The following PLEKHA3 variants were observed in gnomAD, a reference collection of about 807,000 sequenced individuals.
PLEKHA3 encodes the protein pleckstrin homology domain-containing family A member 3.
PLEKHA3 carries 19 observed loss-of-function variants against 39.2 expected under a neutral mutation model. That is an observed-to-expected ratio of 0.48 (90% CI 0.34 to 0.71). The LOEUF (loss-of-function observed/expected upper bound fraction) is 0.71, where lower values mean the gene tolerates loss of function less well. Ranked by LOEUF, PLEKHA3 falls within the 30% of genes least tolerant of loss-of-function variation. PLEKHA3 has a pLI of 0.01. For missense variants in PLEKHA3, 253 were observed against 359.5 expected, an observed-to-expected ratio of 0.70 and a Z score of 2.40; for synonymous variants, 97 against 118.6, an observed-to-expected ratio of 0.82 and a Z score of 1.18.
chr2:178,491,254 G>A (rs747159146), intron 3 of PLEKHA3, among the ~76,000 whole-genome samples: 3 of 152,014 alleles, frequency 2.0e-5, no homozygotes, highest in Admixed American at 1.3e-4. Context: ...CAGGTAATCC[G>A]CTCGCCTCGG....
In PLEKHA3 at chr2:178,516,077, T is replaced by C. The variant is rs908684089; in HGVS notation, c.*12190T>C. On this transcript the variant is annotated 3_prime_UTR_variant, in exon 8 of 8. Coordinates refer to ENST00000234453, the MANE Select transcript of PLEKHA3 (RefSeq NM_019091.4). ...GTATATACACATACATATATATATA[T>C]ACATACATATATATACATAAAATGA... 5 of 151,170 alleles carry C rather than the reference T, an allele frequency of 3.3e-5. No homozygotes were observed. The highest frequency in any genetic ancestry group is 1.9e-4 in the East Asian group (1 of 5,180). 9.4% of individuals were successfully genotyped at this position (151,170 alleles called of 1,614,324 possible).
At chr2:178,496,789 A>G (rs1685456102) in intron 5 of PLEKHA3, among the ~76,000 whole-genome samples, 1 of 151,972 alleles carries the variant, frequency 6.6e-6, no homozygotes, top group Non-Finnish European at 1.5e-5. Flanking sequence ...ATCATAACTC[A>G]CTGCAGCCTC....
At chr2:178,490,940 T>TA in intron 3 of PLEKHA3, 126 bp downstream of exon 3, 1 of 712,092 alleles carries the variant, frequency 1.4e-6, no homozygotes, top group Non-Finnish European at 2.2e-6. Flanking sequence ...GATTTACGTA[T>TA]ATCTTTATCA....
intron 6 of PLEKHA3, among the ~76,000 whole-genome samples, chr2:178,499,485 G>A (rs912758366): frequency 3.3e-5 from 5 of 152,084 alleles, no homozygotes; most frequent in African/African-American, 4.8e-5. Context: ...AGGTAAGCAC[G>A]TTGCCAGCCA....
chr2:178,498,389 G>C (rs1206419901), intron 5 of PLEKHA3, among the ~76,000 whole-genome samples: 1 of 152,208 alleles, frequency 6.6e-6, no homozygotes, highest in East Asian at 1.9e-4. Flanking sequence ...AAATATAGAA[G>C]GCATTTGCAT....
Position 178,504,113 on chromosome 2 carries a change from C to G in PLEKHA3, c.*226C>G. 1 of 311,046 alleles carries G rather than the reference C, an allele frequency of 3.2e-6. No individual in the cohort carries two copies. Among genetic ancestry groups the G allele is most frequent in the Non-Finnish European group, 6.0e-6 (1 of 167,288 alleles). The allele number at this position is 311,046 out of a possible 1,614,324, so 19.3% of individuals were successfully genotyped here. On this transcript the variant is annotated 3_prime_UTR_variant, in exon 8 of 8. Transcript: ENST00000234453. ...ATAACTTCACAGTATGAATGTGCAT[C>G]TTTTTTTTTTGAACAAATGATGGTG... is the stretch of plus-strand genomic sequence containing the variant.
chr2:178,495,867 C>T (rs1685435226), intron 5 of PLEKHA3, among the ~76,000 whole-genome samples: 1 of 152,218 alleles, frequency 6.6e-6, no homozygotes, highest in Non-Finnish European at 1.5e-5. Context: ...TCATTCCCTT[C>T]TCCTTGGAGG....
rs1351769804 is a variant in PLEKHA3 at position 178,480,604 on chromosome 2, A to T, written c.-266A>T. 1 of 285,684 alleles carries T rather than the reference A, an allele frequency of 3.5e-6. No individual in the cohort carries two copies. Among genetic ancestry groups the T allele is most frequent in the Non-Finnish European group, 6.5e-6 (1 of 154,244 alleles). The allele number at this position is 285,684 out of a possible 1,614,324, so 17.7% of individuals were successfully genotyped here. A position where few individuals can be genotyped will look rare whatever the true frequency, so the allele number is the denominator to read the frequency against. On this transcript the variant is annotated 5_prime_UTR_variant, in exon 1 of 8. Coordinates refer to ENST00000234453, the MANE Select transcript of PLEKHA3 (RefSeq NM_019091.4). ...CGAGCAGGAGGCCGGTCGCGGGCGC[A>T]TTTTTGCCGTTGTCGCGGCCGCCGC...
chr2:178,486,421 G>A lies in PLEKHA3; in HGVS notation c.157+664G>A, dbSNP rs555656934. Among the ~76,000 whole-genome samples, 22 of 152,242 alleles carry A rather than the reference G, an allele frequency of 1.4e-4. No individual in the cohort carries two copies. The South Asian group carries it at 3.5e-3, about 24-fold the overall frequency. ...GTGAAGGAAAAACTAGAGCACCAGG[G>A]GAGTGACTGTTAAACTCCTTCCTGG... On this transcript the variant is annotated intron_variant, in intron 2 of 7. Coordinates refer to ENST00000234453, the MANE Select transcript of PLEKHA3 (RefSeq NM_019091.4).
rs1225600068 is a variant in PLEKHA3, at chr2:178,508,281, T to C, written c.*4394T>C. Reference sequence around the variant, plus strand: ...CAGCTCTTCTGTTGAATTTTCTTTATATATATATTTTAATTTCTAAGAGGT... The same window carrying C: ...CAGCTCTTCTGTTGAATTTTCTTTACATATATATTTTAATTTCTAAGAGGT... On this transcript the variant is annotated 3_prime_UTR_variant, in exon 8 of 8. Coordinates refer to ENST00000234453, the MANE Select transcript of PLEKHA3 (RefSeq NM_019091.4). 1 of 152,590 alleles carries C rather than the reference T, an allele frequency of 6.6e-6. No individual in the cohort carries two copies. The highest frequency in any genetic ancestry group is 1.9e-4 in the East Asian group (1 of 5,202). 9.5% of individuals were successfully genotyped at this position (152,590 alleles called of 1,614,324 possible). A position where few individuals can be genotyped will look rare whatever the true frequency, so the allele number is the denominator to read the frequency against.
chr2:178,491,862 G>T (rs1685352387), intron 3 of PLEKHA3, among the ~76,000 whole-genome samples: 1 of 152,098 alleles, frequency 6.6e-6, no homozygotes, highest in African/African-American at 2.4e-5. Flanking sequence ...GAGGAAGCAA[G>T]GGAAAGCGGG....
rs146938630 is a variant in PLEKHA3, at chr2:178,483,571, A to C, written c.41-2070A>C. On this transcript the variant is annotated intron_variant, in intron 1 of 7. Coordinates refer to ENST00000234453, the MANE Select transcript of PLEKHA3 (RefSeq NM_019091.4). The stretch of plus-strand genomic sequence containing the variant: ...TTTGCCCAATATTTGTTTTAAAGAG[A>C]TATTGAATTGCAGTACTGCAGGCTT... 1.8e-3 allele frequency among the ~76,000 whole-genome samples: 281 copies of C among 152,306 alleles called. 1 individual carries two copies. Among genetic ancestry groups the C allele is most frequent in the Non-Finnish European group, 3.1e-3 (210 of 68,026 alleles).
intron 2 of PLEKHA3, among the ~76,000 whole-genome samples, chr2:178,489,296 C>T (rs550788654): frequency 6.6e-6 from 1 of 152,296 alleles, no homozygotes; most frequent in Non-Finnish European, 1.5e-5. Context: ...TTCTGTGGCA[C>T]TTACTTGCCA....
Position 178,480,739 on chromosome 2 carries a change from A to C in PLEKHA3, c.-131A>C. ...GCCGCCACGTCCCTGCGGCGCGCGCAGGCAGAAAGCGGCTTCGTGCCGGCG... is the reference window on the plus strand; with the variant it reads ...GCCGCCACGTCCCTGCGGCGCGCGCCGGCAGAAAGCGGCTTCGTGCCGGCG... On this transcript the variant is annotated 5_prime_UTR_variant, in exon 1 of 8. Coordinates refer to ENST00000234453, the MANE Select transcript of PLEKHA3 (RefSeq NM_019091.4). 1.4e-6 allele frequency: 1 copy of C among 703,332 alleles called. No individual in the cohort carries two copies. The highest frequency in any genetic ancestry group is 2.0e-6 in the Non-Finnish European group (1 of 501,252). 43.6% of individuals were successfully genotyped at this position (703,332 alleles called of 1,614,324 possible).
intron 7 of PLEKHA3, among the ~76,000 whole-genome samples, chr2:178,501,702 A>G (rs1685531615): frequency 6.6e-6 from 1 of 151,992 alleles, no homozygotes; most frequent in Non-Finnish European, 1.5e-5. Flanking sequence ...TTTGTGATTT[A>G]TGTTAAAATT....
chr2:178,487,413 CTTTTTTTCT>C (rs145724082), intron 2 of PLEKHA3, among the ~76,000 whole-genome samples: 23,116 of 151,760 alleles, frequency 0.15, 2,408 homozygotes, highest in East Asian at 0.61. Context: ...GAATCTTTTT[CTTTTTTTCT>C]TTTTTTTCTT....
chr2:178,506,125 T>G lies in PLEKHA3; in HGVS notation c.*2238T>G, dbSNP rs569481066. 4 of 152,170 alleles carry G rather than the reference T, an allele frequency of 2.6e-5. No individual in the cohort carries two copies. Among genetic ancestry groups the G allele is most frequent in the Non-Finnish European group, 5.9e-5 (4 of 68,010 alleles). 9.4% of individuals were successfully genotyped at this position (152,170 alleles called of 1,614,324 possible). ...GAACCATATAACAATTCTGTAAGAA[T>G]TTTAGCTTGTCAAGTTGTTCTATAC... On this transcript the variant is annotated 3_prime_UTR_variant, in exon 8 of 8. Coordinates refer to ENST00000234453, the MANE Select transcript of PLEKHA3 (RefSeq NM_019091.4).
At chr2:178,495,301 A>T (rs1685424518) in intron 4 of PLEKHA3, among the ~76,000 whole-genome samples, 195 bp from the exon 5 acceptor site, 1 of 152,174 alleles carries the variant, frequency 6.6e-6, no homozygotes. Context: ...GGCATTTCTT[A>T]TACATAGATG....
intron 4 of PLEKHA3, among the ~76,000 whole-genome samples, chr2:178,494,926 TCCGGCTCA>T (rs1685417825): frequency 6.7e-6 from 1 of 149,930 alleles, no homozygotes; most frequent in Non-Finnish European, 1.5e-5. Flanking sequence ...TTTTTTTTTT[TCCGGCTCA>T]AAGGAAACTA....
Sources: allele counts gnomAD v4.1 joint callset (sites outside exome capture counted in the v4.1 genomes callset), GRCh38; gene constraint gnomAD v4.1.1; transcripts MANE v1.5; gene names NCBI Gene and HGNC (gene_info 2026-07-23, HGNC 2026-07-21).